Variants in MYO5B observed in about 807,000 individuals in gnomAD.
The protein encoded by MYO5B is unconventional myosin-Vb.
A neutral mutation model predicts 229.3 loss-of-function variants in MYO5B; 143 were observed. That is an observed-to-expected ratio of 0.62 (90% CI 0.54 to 0.72). The LOEUF (loss-of-function observed/expected upper bound fraction) is 0.72, where lower values mean the gene tolerates loss of function less well. MYO5B is among the 30% of genes least tolerant of loss of function. MYO5B has a pLI of 0.00. For synonymous variants in MYO5B, 918 were observed against 885.2 expected, an observed-to-expected ratio of 1.04 and a Z score of -0.66; for missense variants, 2,321 against 2,331.0, an observed-to-expected ratio of 1.00 and a Z score of 0.09.
At chr18:50,141,196 C>A (rs182811773) in intron 1 of MYO5B, among the ~76,000 whole-genome samples, 1 of 152,318 alleles carries the variant, frequency 6.6e-6, no homozygotes, top group Non-Finnish European at 1.5e-5. Flanking sequence ...GACAGGCCCA[C>A]CCATGTGCCA....
At chr18:50,179,990 T>C (rs148593973) in intron 1 of MYO5B, among the ~76,000 whole-genome samples, 1 of 152,264 alleles carries the variant, frequency 6.6e-6, no homozygotes, top group African/African-American at 2.4e-5. Context: ...CCATAAGCTA[T>C]GGAACACTTA....
intron 1 of MYO5B, among the ~76,000 whole-genome samples, chr18:50,184,980 T>C (rs1321705986): frequency 2.0e-5 from 3 of 151,444 alleles, no homozygotes; most frequent in Non-Finnish European, 4.4e-5. Flanking sequence ...GAGGCTGAGG[T>C]GGGAGGATTG....
At chr18:49,855,049 A>G (rs1433115992) in intron 30 of MYO5B, among the ~76,000 whole-genome samples, 1 of 152,254 alleles carries the variant, frequency 6.6e-6, no homozygotes, top group Non-Finnish European at 1.5e-5. Context: ...TAATTGGGTA[A>G]TTAAATCAGG....
At chr18:50,143,716 A>G (rs1190594969) in intron 1 of MYO5B, among the ~76,000 whole-genome samples, 1 of 152,232 alleles carries the variant, frequency 6.6e-6, no homozygotes, top group African/African-American at 2.4e-5. Context: ...CTTAGAGGCT[A>G]TCTATATAGA....
intron 1 of MYO5B, among the ~76,000 whole-genome samples, chr18:50,072,479 C>T (rs1284591701): frequency 6.6e-6 from 1 of 152,082 alleles, no homozygotes. Flanking sequence ...AACGCTGGCC[C>T]CAAACCTAAC....
chr18:49,985,267 GT>G (rs1001805512), intron 7 of MYO5B, among the ~76,000 whole-genome samples: 5 of 152,176 alleles, frequency 3.3e-5, no homozygotes, highest in Non-Finnish European at 7.4e-5. Flanking sequence ...CGAGGTGACA[GT>G]TTTTTTGTTC....
chr18:49,926,406 C>G (rs1279843402), intron 17 of MYO5B, among the ~76,000 whole-genome samples: 2 of 152,224 alleles, frequency 1.3e-5, no homozygotes. Flanking sequence ...CATATCACAT[C>G]CCTCCATTCC....
At chr18:49,997,369 C>CTTTTTTTTTT (rs34011258) in intron 5 of MYO5B, among the ~76,000 whole-genome samples, 1 of 60,348 alleles carries the variant, frequency 1.7e-5, no homozygotes, top group Non-Finnish European at 2.7e-5. Flanking sequence ...TCCTTTCTTT[C>CTTTTTTTTTT]TTTTTTTTTT....
intron 1 of MYO5B, among the ~76,000 whole-genome samples, chr18:50,161,999 G>A (rs1012486010): frequency 2.0e-5 from 3 of 152,242 alleles, no homozygotes; most frequent in Non-Finnish European, 4.4e-5. Flanking sequence ...TTTTGTTCAT[G>A]GAAGTGGTTA....
intron 4 of MYO5B, among the ~76,000 whole-genome samples, chr18:50,020,572 C>T (rs143433363): frequency 1.8e-4 from 27 of 152,328 alleles, no homozygotes; most frequent in African/African-American, 6.3e-4. Context: ...ACAGCATGTT[C>T]AATGCTGAAA....
At chr18:50,030,557 C>G (rs546689753) in intron 4 of MYO5B, among the ~76,000 whole-genome samples, 1 of 152,084 alleles carries the variant, frequency 6.6e-6, no homozygotes, top group Non-Finnish European at 1.5e-5. Context: ...GCAAGAGACC[C>G]TCCTCCAAGA....
At chr18:49,863,590 G>T (rs1355640361) in intron 28 of MYO5B, among the ~76,000 whole-genome samples, 2 of 152,116 alleles carry the variant, frequency 1.3e-5, no homozygotes, top group East Asian at 3.9e-4. Flanking sequence ...GGAGGAGAGA[G>T]CACCCAAGTC....
chr18:50,034,940 C>T (rs1232788920), intron 4 of MYO5B, among the ~76,000 whole-genome samples: 4 of 152,096 alleles, frequency 2.6e-5, no homozygotes, highest in Admixed American at 2.6e-4. Context: ...GAAGCAATCC[C>T]AGTTCAGCTT....
At chr18:50,041,439 A>G (rs1014269070) in intron 2 of MYO5B, among the ~76,000 whole-genome samples, 2 of 152,202 alleles carry the variant, frequency 1.3e-5, no homozygotes, top group Non-Finnish European at 1.5e-5. Flanking sequence ...CAAACCCAGC[A>G]ATGAAAGGGC....
At chr18:50,105,010 G>A (rs1720878781) in intron 1 of MYO5B, among the ~76,000 whole-genome samples, 1 of 151,914 alleles carries the variant, frequency 6.6e-6, no homozygotes, top group Non-Finnish European at 1.5e-5. Context: ...CTCCAGAGGG[G>A]GTACACGAGG....
chr18:49,959,928 C>T (rs935582810), intron 12 of MYO5B, among the ~76,000 whole-genome samples: 8 of 152,192 alleles, frequency 5.3e-5, no homozygotes, highest in Middle Eastern at 6.8e-3. Flanking sequence ...GCTTGGGTAA[C>T]GGAGGAACAA....
chr18:50,126,977 A>AT (rs889818089), intron 1 of MYO5B, among the ~76,000 whole-genome samples: 3 of 152,224 alleles, frequency 2.0e-5, no homozygotes, highest in East Asian at 1.9e-4. Context: ...TTTAAAAAGT[A>AT]TTTTTTAGAA....
chr18:50,055,316 G>C lies in MYO5B; in HGVS notation c.90C>G (p.Asp30Glu). Reference sequence around the variant, plus strand: ...GTAGGCTCTTGTCTCCTTCTTTGTAGTCCTTGGTTAACTCAGCTGAGCGCC... The same window carrying C: ...GTAGGCTCTTGTCTCCTTCTTTGTACTCCTTGGTTAACTCAGCTGAGCGCC... ...EVWRSAELTKDYKEGDKSLQL... is the reference protein window; with the variant it reads ...EVWRSAELTKEYKEGDKSLQL... Residue 30 changes from aspartate to glutamate, a missense_variant, in exon 2 of 40, where the codon GAC becomes GAG. Around this residue, in one of 2 missense-constraint regions of MYO5B, gnomAD observed 2,113 missense variants for 2,044.7 expected, o/e 1.03. Coordinates refer to ENST00000285039, the MANE Select transcript of MYO5B (RefSeq NM_001080467.3). The C allele has an allele frequency of 6.4e-7, 1 of 1,573,580 alleles. No homozygotes were observed. The highest frequency in any genetic ancestry group is 8.6e-7 in the Non-Finnish European group (1 of 1,158,932).
intron 5 of MYO5B, among the ~76,000 whole-genome samples, chr18:49,999,312 C>G (rs558951891): frequency 2.0e-4 from 31 of 152,290 alleles, no homozygotes; most frequent in Admixed American, 1.8e-3. Flanking sequence ...AATTGTGGAG[C>G]GGCTGTCTTA....
Sources: gnomAD v4.1 joint callset for allele counts (sites outside exome capture counted in the v4.1 genomes callset) on GRCh38, gnomAD v4.1.1 for gene constraint, gnomAD v4.1.1 regional missense constraint, MANE v1.5 for transcripts, NCBI Gene and HGNC (gene_info 2026-07-23, HGNC 2026-07-21) for gene names.